The following MAGI2 variants were observed in gnomAD, a reference collection of about 807,000 sequenced individuals.
The protein encoded by MAGI2 is membrane associated guanylate kinase, WW and PDZ domain containing 2.
A neutral mutation model predicts 133.3 loss-of-function variants in MAGI2; 35 were observed. The observed-to-expected ratio is 0.26, with a 90% CI of 0.20 to 0.35. The LOEUF (loss-of-function observed/expected upper bound fraction) is 0.35. Among genes scored for constraint, MAGI2 ranks in the 10% least tolerant of loss-of-function variants. MAGI2 has a pLI of 1.00. For synonymous variants in MAGI2, 729 were observed against 710.6 expected (o/e 1.03, Z -0.41); for missense variants, 1,636 against 1,863.4 (o/e 0.88, Z 2.25).
chr7:78,181,012 C>G (rs748993474), intron 13 of MAGI2, among the ~76,000 whole-genome samples: 2 of 137,262 alleles, frequency 1.5e-5, no homozygotes, highest in Non-Finnish European at 3.1e-5. Flanking sequence ...TCCTTGGAGT[C>G]TGGCTTTACA....
intron 1 of MAGI2, among the ~76,000 whole-genome samples, chr7:79,010,599 T>C (rs1374316667): frequency 6.6e-6 from 1 of 152,186 alleles, no homozygotes; most frequent in Non-Finnish European, 1.5e-5. Context: ...CATTTGTTAA[T>C]GATTCCTAGA....
At chr7:79,405,260 C>T (rs1399811312) in intron 1 of MAGI2, among the ~76,000 whole-genome samples, 1 of 152,032 alleles carries the variant, frequency 6.6e-6, no homozygotes. Context: ...CTTGACACAG[C>T]CATGCAAATG....
intron 10 of MAGI2, 138 bp downstream of exon 10, chr7:78,255,805 T>C: frequency 1.2e-6 from 1 of 824,006 alleles, no homozygotes; most frequent in Non-Finnish European, 1.9e-6. Flanking sequence ...ATTCATGTTT[T>C]TCTCTCTCAC....
intron 1 of MAGI2, among the ~76,000 whole-genome samples, chr7:79,372,440 T>C (rs929342912): frequency 7.2e-5 from 11 of 152,096 alleles, no homozygotes; most frequent in Non-Finnish European, 1.0e-4. Flanking sequence ...TATAGTAGAA[T>C]AGACTAGACT....
intron 6 of MAGI2, among the ~76,000 whole-genome samples, chr7:78,372,636 T>G (rs930178764): frequency 2.0e-5 from 3 of 152,158 alleles, no homozygotes; most frequent in Non-Finnish European, 4.4e-5. Flanking sequence ...CTTCAGGCCA[T>G]GGAACCATGG....
chr7:78,173,470 CCAAAGCAGA>C (rs1737153893), intron 14 of MAGI2, among the ~76,000 whole-genome samples: 1 of 152,122 alleles, frequency 6.6e-6, no homozygotes, highest in Non-Finnish European at 1.5e-5. Flanking sequence ...TGGCTTCCCC[CCAAAGCAGA>C]CAAAGCATGA....
intron 21 of MAGI2, among the ~76,000 whole-genome samples, chr7:78,041,288 T>A (rs1810809286): frequency 6.6e-6 from 1 of 152,136 alleles, no homozygotes; most frequent in Non-Finnish European, 1.5e-5. Context: ...GATACGAGTT[T>A]GGTTGAATGA....
chr7:79,366,820 T>A (rs1392881573), intron 1 of MAGI2, among the ~76,000 whole-genome samples: 1 of 152,178 alleles, frequency 6.6e-6, no homozygotes, highest in Non-Finnish European at 1.5e-5. Flanking sequence ...ACAGAATTTT[T>A]TCATAGGATA....
chr7:78,680,304 A>G (rs1381043012), intron 2 of MAGI2, among the ~76,000 whole-genome samples: 1 of 152,190 alleles, frequency 6.6e-6, no homozygotes, highest in Non-Finnish European at 1.5e-5. Flanking sequence ...TATATAAAGC[A>G]TGTATTGAAA....
intron 2 of MAGI2, among the ~76,000 whole-genome samples, chr7:78,667,932 T>C (rs1050812207): frequency 5.3e-5 from 8 of 152,162 alleles, no homozygotes; most frequent in Non-Finnish European, 1.2e-4. Flanking sequence ...GGTCAAATGG[T>C]ATTTCTAGTT....
At chr7:78,340,370 CA>C (rs1790237508) in intron 9 of MAGI2, among the ~76,000 whole-genome samples, 1 of 152,122 alleles carries the variant, frequency 6.6e-6, no homozygotes, top group African/African-American at 2.4e-5. Flanking sequence ...TGAATTCTAT[CA>C]GAGATACAAA....
At position 79,346,108 on chromosome 7, in the gene MAGI2, A is replaced by T. The variant is rs561316539; in HGVS notation, c.301+106912T>A. On this transcript the variant is annotated intron_variant, in intron 1 of 21. Coordinates refer to ENST00000354212, the MANE Select transcript of MAGI2 (RefSeq NM_012301.4). ...AAAAGAATCCATAATTTTTGAGGGA[A>T]AAGTAATATCCAACACTTAGATTTT... is the stretch of plus-strand genomic sequence containing the variant. Among the ~76,000 whole-genome samples the T allele has an allele frequency of 1.3e-3, 202 of 152,204 alleles. 1 individual carries two copies. The highest frequency in any genetic ancestry group is 4.5e-3 in the African/African-American group (189 of 41,572).
chr7:78,780,622 C>G lies in MAGI2; in HGVS notation c.419-153383G>C, dbSNP rs180937315. On this transcript the variant is annotated intron_variant, in intron 2 of 21. Coordinates refer to ENST00000354212, the MANE Select transcript of MAGI2 (RefSeq NM_012301.4). ...TCTTCACCTCATTTTCTACCACATACTGGATGGTTCTTATGTAACTTTTGA... is the reference window on the plus strand; with the variant it reads ...TCTTCACCTCATTTTCTACCACATAGTGGATGGTTCTTATGTAACTTTTGA... Among the ~76,000 whole-genome samples, 332 of 152,290 alleles carry G rather than the reference C, an allele frequency of 2.2e-3. 1 individual carries two copies. Among genetic ancestry groups the G allele is most frequent in the Middle Eastern group, 0.017 (5 of 294 alleles).
At chr7:78,544,918 C>T (rs902780068) in intron 3 of MAGI2, among the ~76,000 whole-genome samples, 6 of 151,476 alleles carry the variant, frequency 4.0e-5, no homozygotes, top group Admixed American at 6.6e-5. Flanking sequence ...TTTGGCCTCC[C>T]GAAGGGCTGG....
chr7:79,320,805 T>C (rs1234334920), intron 1 of MAGI2, among the ~76,000 whole-genome samples: 2 of 152,148 alleles, frequency 1.3e-5, no homozygotes, highest in Non-Finnish European at 2.9e-5. Context: ...TAGGGAACTA[T>C]GCACATCAAA....
chr7:79,252,156 C>CAATAA (rs1833334892), intron 1 of MAGI2, among the ~76,000 whole-genome samples: 1 of 102,598 alleles, frequency 9.7e-6, no homozygotes, highest in African/African-American at 4.1e-5. Flanking sequence ...GACCCTGTCT[C>CAATAA]AAAAAAAAAA....
chr7:79,139,961 G>C (rs968775146), intron 1 of MAGI2: 5 of 152,182 alleles, frequency 3.3e-5, no homozygotes, highest in African/African-American at 9.7e-5. Context: ...ACCTGTAGCA[G>C]GGCATGGCTT....
intron 2 of MAGI2, among the ~76,000 whole-genome samples, chr7:78,766,992 C>CTT (rs5885095): frequency 5.6e-5 from 8 of 143,600 alleles, no homozygotes; most frequent in Non-Finnish European, 7.7e-5. Flanking sequence ...TAATAAAGTT[C>CTT]TTTTTTTTTT....
At chr7:78,174,378 T>C (rs1826395251) in intron 14 of MAGI2, among the ~76,000 whole-genome samples, 1 of 152,216 alleles carries the variant, frequency 6.6e-6, no homozygotes, top group South Asian at 2.1e-4. Context: ...TTAGTATAAG[T>C]GCAATGGATT....
Sources: gnomAD v4.1 joint callset for allele counts (sites outside exome capture counted in the v4.1 genomes callset) on GRCh38, gnomAD v4.1.1 for gene constraint, MANE v1.5 for transcripts, NCBI Gene and HGNC (gene_info 2026-07-23, HGNC 2026-07-21) for gene names.